Variants in GALNT18 observed in about 807,000 individuals in gnomAD.
GALNT18 encodes GalNAc-transferase 18.
In GALNT18, 44 loss-of-function variants were observed where a neutral mutation model predicts 69.5. The ratio of observed to expected loss-of-function variants is 0.63; its 90% CI spans 0.50 to 0.81. The LOEUF (loss-of-function observed/expected upper bound fraction) is 0.81, where lower values mean the gene tolerates loss of function less well. Among genes scored for constraint, GALNT18 ranks in the 40% least tolerant of loss-of-function variants. The pLI is 0.00. For missense variants in GALNT18, 715 were observed against 810.0 expected (o/e 0.88, Z 1.42); for synonymous variants, 364 against 318.2 (o/e 1.14, Z -1.53).
intron 3 of GALNT18, among the ~76,000 whole-genome samples, chr11:11,412,395 C>G (rs543206190): frequency 1.3e-5 from 2 of 152,290 alleles, no homozygotes; most frequent in African/African-American, 4.8e-5. Flanking sequence ...AGCTTTGGAT[C>G]CCCGATCCCT....
intron 3 of GALNT18, among the ~76,000 whole-genome samples, chr11:11,384,930 G>A (rs2133702114): frequency 6.6e-6 from 1 of 152,322 alleles, no homozygotes; most frequent in South Asian, 2.1e-4. Flanking sequence ...GTCCATTTGT[G>A]TAGCTGTAAA....
intron 1 of GALNT18, among the ~76,000 whole-genome samples, chr11:11,530,682 T>A (rs1279967996): frequency 2.0e-5 from 3 of 152,186 alleles, no homozygotes; most frequent in Admixed American, 6.5e-5. Context: ...GCCCAGCACT[T>A]GGACAAAGTC....
chr11:11,616,975 A>C lies in GALNT18; in HGVS notation c.235+4384T>G, dbSNP rs1048313191. Among the ~76,000 whole-genome samples, 1 of 152,256 alleles carries C rather than the reference A, an allele frequency of 6.6e-6. No homozygotes were observed. The highest frequency in any genetic ancestry group is 2.4e-5 in the African/African-American group (1 of 41,466). On this transcript the variant is annotated intron_variant, in intron 1 of 10. Transcript: ENST00000227756. The surrounding 1 kb of genome is among the most constrained non-coding windows in gnomAD (Gnocchi z 4.4). ...GTGAGCAAAATCATTGCAAAAGATC[A>C]GACAAAAATCGTAACAATTTAGGCT...
At chr11:11,274,381 G>A (rs141568030) in intron 10 of GALNT18, among the ~76,000 whole-genome samples, 147 of 152,302 alleles carry the variant, frequency 9.7e-4, no homozygotes, top group Non-Finnish European at 1.8e-3. Context: ...AAGCCAGGGA[G>A]CCAAGTGGTC....
chr11:11,549,810 C>G (rs1316952321), intron 1 of GALNT18, among the ~76,000 whole-genome samples: 3 of 152,192 alleles, frequency 2.0e-5, no homozygotes, highest in Non-Finnish European at 2.9e-5. Context: ...GAACCTAACC[C>G]ACACAAATAT....
intron 6 of GALNT18, among the ~76,000 whole-genome samples, chr11:11,358,049 G>A (rs1850566659): frequency 6.6e-6 from 1 of 152,084 alleles, no homozygotes; most frequent in Admixed American, 6.5e-5. Flanking sequence ...TCTTCTCTGA[G>A]ACTGTGGGAT....
intron 6 of GALNT18, among the ~76,000 whole-genome samples, chr11:11,364,653 C>T (rs1457881642): frequency 6.6e-6 from 1 of 152,018 alleles, no homozygotes. Flanking sequence ...AATTGTATAT[C>T]AAAACAAAAA....
chr11:11,488,047 G>A (rs1369583854), intron 1 of GALNT18, among the ~76,000 whole-genome samples: 1 of 152,180 alleles, frequency 6.6e-6, no homozygotes, highest in Non-Finnish European at 1.5e-5. Context: ...ATGACATTGT[G>A]CAAGCTATTT....
At chr11:11,291,475 ATAGT>A (rs1278847677) in intron 10 of GALNT18, among the ~76,000 whole-genome samples, 1 of 105,734 alleles carries the variant, frequency 9.5e-6, no homozygotes, top group Non-Finnish European at 2.6e-5. Context: ...TGCCTGACAC[ATAGT>A]AAGTACTGTA....
rs1860082356 is a variant in GALNT18 at position 11,617,430 on chromosome 11, C to T, written c.235+3929G>A. Among the ~76,000 whole-genome samples, 1 of 152,148 alleles carries T rather than the reference C, an allele frequency of 6.6e-6. No individual in the cohort carries two copies. The stretch of plus-strand genomic sequence containing the variant: ...GTGCAGTGTCTGGCACACATTAGGT[C>T]TCCAACAGATAAATGTTAAACCAAT... On this transcript the variant is annotated intron_variant, in intron 1 of 10. Coordinates refer to ENST00000227756, the MANE Select transcript of GALNT18 (RefSeq NM_198516.3). The surrounding 1 kb of genome is among the most constrained non-coding windows in gnomAD (Gnocchi z 4.7).
At chr11:11,417,243 C>G (rs16909628) in intron 3 of GALNT18, among the ~76,000 whole-genome samples, 3,989 of 152,234 alleles carry the variant, frequency 0.026, 163 homozygotes, top group African/African-American at 0.091. Flanking sequence ...ATATAGCCAA[C>G]GATGATGCCC....
Position 11,415,337 on chromosome 11 carries a change from G to A in GALNT18, c.595+17284C>T, listed in dbSNP as rs1854831331. Among the ~76,000 whole-genome samples, 1 of 152,134 alleles carries A rather than the reference G, an allele frequency of 6.6e-6. No individual in the cohort carries two copies. Among genetic ancestry groups the A allele is most frequent in the Non-Finnish European group, 1.5e-5 (1 of 68,032 alleles). ...ACCACTTCCCAGGAATCAGGGCTGG[G>A]AAGGGTGGGGGATGACTTAGAATTC... On this transcript the variant is annotated intron_variant, in intron 3 of 10. Transcript: ENST00000227756. The surrounding 1 kb of genome is among the most constrained non-coding windows in gnomAD (Gnocchi z 4.1).
chr11:11,466,392 A>T (rs141735365), intron 1 of GALNT18, among the ~76,000 whole-genome samples: 77 of 152,376 alleles, frequency 5.1e-4, no homozygotes, highest in African/African-American at 1.8e-3. Context: ...ATTTTGAAAT[A>T]TGATTTTTCA....
Position 11,538,866 on chromosome 11 carries a change from G to T in GALNT18, c.235+82493C>A, listed in dbSNP as rs1170885362. On this transcript the variant is annotated intron_variant, in intron 1 of 10. Coordinates refer to ENST00000227756, the MANE Select transcript of GALNT18 (RefSeq NM_198516.3). The surrounding 1 kb of genome is among the most constrained non-coding windows in gnomAD (Gnocchi z 5.2). ...GTTCCCATCTGCACAGCACTGCCTG[G>T]CCTCCCACCCAAACCTTCAGAGATC... Among the ~76,000 whole-genome samples, 1 of 152,054 alleles carries T rather than the reference G, an allele frequency of 6.6e-6. No individual in the cohort carries two copies. Among genetic ancestry groups the T allele is most frequent in the African/African-American group, 2.4e-5 (1 of 41,414 alleles).
intron 6 of GALNT18, among the ~76,000 whole-genome samples, chr11:11,370,634 T>C (rs1850880167): frequency 6.6e-6 from 1 of 150,898 alleles, no homozygotes; most frequent in East Asian, 1.9e-4. Flanking sequence ...TTTCAAACTC[T>C]GTACACGAAA....
chr11:11,341,729 C>CA lies in GALNT18; in HGVS notation c.1093-726dup, dbSNP rs1315526921. On this transcript the variant is annotated intron_variant, in intron 6 of 10. Transcript: ENST00000227756. This position sits in a 1 kb window ranked among gnomAD's most constrained non-coding sequence, Gnocchi z 6.3. ...TGACCTTTCAATGTTCCTGAACTTG[C>CA]ACTCTTTTGTGCTTCTAGGCTTTGC... is the stretch of plus-strand genomic sequence containing the variant. Among the ~76,000 whole-genome samples, 1 of 152,160 alleles carries CA rather than the reference C, an allele frequency of 6.6e-6. No individual in the cohort carries two copies. Among genetic ancestry groups the CA allele is most frequent in the Non-Finnish European group, 1.5e-5 (1 of 68,032 alleles).
chr11:11,446,403 T>C (rs1855653367), intron 2 of GALNT18, among the ~76,000 whole-genome samples: 1 of 152,200 alleles, frequency 6.6e-6, no homozygotes, highest in Non-Finnish European at 1.5e-5. Flanking sequence ...ACAGATTGAC[T>C]GAAAAGTCCA....
At chr11:11,548,733 A>G (rs1302349380) in intron 1 of GALNT18, among the ~76,000 whole-genome samples, 1 of 152,208 alleles carries the variant, frequency 6.6e-6, no homozygotes. Flanking sequence ...AGCTTGACCA[A>G]CTCCACTTTT....
intron 9 of GALNT18, among the ~76,000 whole-genome samples, chr11:11,326,231 A>G (rs1405224518): frequency 6.6e-6 from 1 of 151,946 alleles, no homozygotes; most frequent in Non-Finnish European, 1.5e-5. Context: ...TTTTTAGTAG[A>G]GATGGGGTTT....
Sources: allele counts gnomAD v4.1 joint callset (sites outside exome capture counted in the v4.1 genomes callset), GRCh38; gene constraint gnomAD v4.1.1; non-coding constraint Gnocchi (gnomAD v3.1); transcripts MANE v1.5; gene names NCBI Gene and HGNC (gene_info 2026-07-23, HGNC 2026-07-21).